Variants in FCHO2 observed in about 807,000 individuals in gnomAD.
FCHO2 encodes FCH and mu domain containing endocytic adaptor 2.
In FCHO2, 43 loss-of-function variants were observed where a neutral mutation model predicts 114.1. That is an observed-to-expected ratio of 0.38 (90% confidence interval 0.30 to 0.49). The LOEUF is 0.49. Among genes scored for constraint, FCHO2 ranks in the 20% least tolerant of loss-of-function variants. The pLI, the probability that FCHO2 is intolerant of heterozygous loss-of-function variation, is 0.97. For synonymous variants in FCHO2, 293 were observed against 315.2 expected (o/e 0.93, Z 0.75); for missense variants, 807 against 950.4 (o/e 0.85, Z 1.98).
At chr5:72,965,303 T>C (rs888414607) in intron 1 of FCHO2, among the ~76,000 whole-genome samples, 3 of 152,218 alleles carry the variant, frequency 2.0e-5, no homozygotes, top group African/African-American at 7.2e-5. Context: ...ATAAAAGTTA[T>C]GTTTACACTA....
intron 1 of FCHO2, 37 bp from the exon 2 acceptor site, chr5:72,968,459 CTG>C (rs1024096940): frequency 1.2e-5 from 16 of 1,354,376 alleles, no homozygotes; most frequent in Admixed American, 3.1e-5. Context: ...TCATTTTTAT[CTG>C]TTTTTTTATG....
At chr5:73,063,409 A>T (rs1757933993) in intron 17 of FCHO2, among the ~76,000 whole-genome samples, 1 of 152,070 alleles carries the variant, frequency 6.6e-6, no homozygotes, top group Non-Finnish European at 1.5e-5. Flanking sequence ...AATTTTAATT[A>T]AGGTAAGTAT....
chr5:73,049,861 CA>C (rs1194554188), intron 11 of FCHO2, among the ~76,000 whole-genome samples: 3 of 152,112 alleles, frequency 2.0e-5, no homozygotes, highest in Non-Finnish European at 2.9e-5. Context: ...TGTGTATACA[CA>C]CATATACATA....
chr5:73,027,030 T>G lies in FCHO2; in HGVS notation c.797-7627T>G, dbSNP rs867612884. Reference sequence around the variant, plus strand: ...TTTTTGTTTGTTTGTTTTTTTTTTTTTTTTTTTAGTGTAGTAATGGCTGGT... The same window carrying G: ...TTTTTGTTTGTTTGTTTTTTTTTTTGTTTTTTTAGTGTAGTAATGGCTGGT... On this transcript the variant is annotated intron_variant, in intron 8 of 25. Coordinates refer to ENST00000430046, the MANE Select transcript of FCHO2 (RefSeq NM_138782.3). 3.2e-3 allele frequency among the ~76,000 whole-genome samples: 483 copies of G among 150,788 alleles called. 3 individuals carry two copies. In the Middle Eastern group the frequency reaches 0.034, roughly 11 times the overall value.
intron 13 of FCHO2, among the ~76,000 whole-genome samples, chr5:73,053,253 A>G (rs931570653): frequency 1.3e-5 from 2 of 152,324 alleles, no homozygotes; most frequent in South Asian, 2.1e-4. Context: ...TTGTTTGGAA[A>G]AAAAGGTGGT....
At chr5:73,082,852 A>G (rs1261488751) in intron 24 of FCHO2, 27 bp downstream of exon 24, 53 of 1,528,672 alleles carry the variant, frequency 3.5e-5, no homozygotes, top group Non-Finnish European at 4.5e-5. Context: ...TTTTTTATTT[A>G]TAAAATGATG....
At chr5:73,083,136 G>A (rs575056355) in intron 24 of FCHO2, among the ~76,000 whole-genome samples, 258 of 151,894 alleles carry the variant, frequency 1.7e-3, no homozygotes, top group African/African-American at 5.7e-3. Context: ...TGCCCACCTC[G>A]GCCTCCCAAA....
chr5:73,042,682 C>T (rs1476752480), intron 11 of FCHO2, among the ~76,000 whole-genome samples: 3 of 152,076 alleles, frequency 2.0e-5, no homozygotes, highest in Admixed American at 2.0e-4. Flanking sequence ...ACTGGCAGAG[C>T]ATCTTTGCAA....
At chr5:72,996,909 G>A (rs1384017596) in intron 5 of FCHO2, 6 of 1,573,416 alleles carry the variant, frequency 3.8e-6, no homozygotes, top group Non-Finnish European at 5.2e-6. Context: ...GGCAGTGCCA[G>A]GGTCATCAGG....
rs1743384610 is a variant in FCHO2, at chr5:73,088,544, T to G, written c.*454T>G. 6.0e-6 allele frequency: 1 copy of G among 167,762 alleles called. No homozygotes were observed. The highest frequency in any genetic ancestry group is 2.4e-5 in the African/African-American group (1 of 41,728). The allele number at this position is 167,762 out of a possible 1,614,324, so 10.4% of individuals were successfully genotyped here. A position where few individuals can be genotyped will look rare whatever the true frequency, so the allele number is the denominator to read the frequency against. On this transcript the variant is annotated 3_prime_UTR_variant, in exon 26 of 26. Transcript: ENST00000430046. ...CAAATAGAACATGAATTCTAAGTTT[T>G]GGGTAATGTTAACTCAGAACACTTA...
intron 5 of FCHO2, among the ~76,000 whole-genome samples, chr5:73,000,999 A>G (rs1033013316): frequency 6.6e-6 from 1 of 152,202 alleles, no homozygotes; most frequent in African/African-American, 2.4e-5. Context: ...AATTTATAGC[A>G]TTCCTAACTA....
chr5:72,994,519 T>C (rs1753974591), intron 5 of FCHO2, among the ~76,000 whole-genome samples: 1 of 152,218 alleles, frequency 6.6e-6, no homozygotes, highest in Admixed American at 6.5e-5. Context: ...GGAATGCTTA[T>C]ACACTGTTGG....
intron 2 of FCHO2, among the ~76,000 whole-genome samples, chr5:72,982,398 TTATA>T (rs1189384583): frequency 8.5e-5 from 13 of 152,240 alleles, no homozygotes; most frequent in African/African-American, 3.1e-4. Flanking sequence ...TAAGAGTTCT[TTATA>T]TATTTTGGAT....
chr5:73,060,441 G>C (rs895906526), intron 17 of FCHO2, among the ~76,000 whole-genome samples: 3 of 151,988 alleles, frequency 2.0e-5, no homozygotes, highest in African/African-American at 7.2e-5. Flanking sequence ...CGATTCTCCT[G>C]TTTTACAGAA....
chr5:73,082,825 G>C lies in FCHO2; in HGVS notation c.2245G>C (p.Gly749Arg), dbSNP rs566223153. The change falls in exon 24 of 26, where the codon GGT becomes CGT. Residue 749 changes from glycine to arginine, a missense_variant and splice_region_variant. Gly to Arg is a moderately radical substitution (Grantham distance 125). Transcript: ENST00000430046. ...SSISEKSENG[G>R]SGSLRAKFDL... is the part of the protein sequence containing the mutation. ...TATTTCAGAAAAATCAGAAAATGGA[G>C]GTAAGTGTGTGTGTCCTTTTTTATT... 1.3e-6 allele frequency: 2 copies of C among 1,599,602 alleles called. No homozygotes were observed. The highest frequency in any genetic ancestry group is 2.2e-5 in the East Asian group (1 of 44,544).
Position 72,997,285 on chromosome 5 carries a change from G to C in FCHO2, c.495+6421G>C, listed in dbSNP as rs1754171664. The stretch of plus-strand genomic sequence containing the variant: ...TTTTGGAAGTCGTGAGCGAGTGGTG[G>C]GAGCTGGTAGTGTTTATAGCAAGCA... On this transcript the variant is annotated intron_variant, in intron 5 of 25. Coordinates refer to ENST00000430046, the MANE Select transcript of FCHO2 (RefSeq NM_138782.3). 8 of 1,392,160 alleles carry C rather than the reference G, an allele frequency of 5.7e-6. No homozygotes were observed. In the Admixed American group the frequency reaches 1.3e-4, roughly 23 times the overall value. 86.2% of individuals were successfully genotyped at this position (1,392,160 alleles called of 1,614,324 possible).
At chr5:72,968,663 G>T (rs1266278932) in intron 2 of FCHO2, 74 bp downstream of exon 2, 11 of 1,047,568 alleles carry the variant, frequency 1.1e-5, no homozygotes, top group African/African-American at 1.7e-5. Context: ...AAATAATGGA[G>T]AAAACTTTAT....
chr5:72,982,846 T>G (rs901049834), intron 2 of FCHO2, among the ~76,000 whole-genome samples: 4 of 100,208 alleles, frequency 4.0e-5, no homozygotes, highest in Non-Finnish European at 8.8e-5. Context: ...TTTTTTTTTT[T>G]GCATATAGGT....
chr5:72,979,192 GCTC>G (rs917444332), intron 2 of FCHO2, among the ~76,000 whole-genome samples: 12 of 151,948 alleles, frequency 7.9e-5, no homozygotes, highest in Non-Finnish European at 1.2e-4. Flanking sequence ...AATGGTACCA[GCTC>G]CTCTTTGTAC....
Sources: gnomAD v4.1 joint callset for allele counts (sites outside exome capture counted in the v4.1 genomes callset) on GRCh38, gnomAD v4.1.1 for gene constraint, MANE v1.5 for transcripts, NCBI Gene and HGNC (gene_info 2026-07-23, HGNC 2026-07-21) for gene names.